The following RYR3 variants were observed in gnomAD, a reference collection of about 807,000 sequenced individuals.
RYR3 encodes brain ryanodine receptor-calcium release channel.
RYR3 carries 207 observed loss-of-function variants against 584.3 expected under a neutral mutation model. The ratio of observed to expected loss-of-function variants is 0.35; its 90% CI spans 0.32 to 0.40. The LOEUF is 0.40. Ranked by LOEUF, RYR3 falls within the 10% of genes least tolerant of loss-of-function variation. The pLI, the probability that RYR3 is intolerant of heterozygous loss-of-function variation, is 1.00. For missense variants in RYR3, 5,616 were observed against 6,089.2 expected (o/e 0.92, Z 2.59); for synonymous variants, 2,416 against 2,248.5 (o/e 1.07, Z -2.11).
intron 42 of RYR3, among the ~76,000 whole-genome samples, chr15:33,704,720 C>T (rs570213122): frequency 1.3e-5 from 2 of 152,324 alleles, no homozygotes; most frequent in African/African-American, 4.8e-5. Context: ...ATCCTATTCT[C>T]AGCCTCAGTT....
chr15:33,731,084 A>G (rs1285266590), intron 47 of RYR3, among the ~76,000 whole-genome samples: 1 of 152,236 alleles, frequency 6.6e-6, no homozygotes, highest in Admixed American at 6.5e-5. Flanking sequence ...AGCGAAAACC[A>G]GAATAGTAAT....
In RYR3 at chr15:33,772,139, G is replaced by C. The variant is rs374567682; in HGVS notation, c.9036G>C (p.Gln3012His). The C allele has an allele frequency of 1.2e-6, 2 of 1,610,902 alleles. No individual in the cohort carries two copies. Among genetic ancestry groups the C allele is most frequent in the African/African-American group, 2.7e-5 (2 of 74,866 alleles). The change falls in exon 63 of 104, where the codon CAG (glutamine) becomes CAC (histidine). Residue 3012 changes from glutamine (Q) to histidine (H), a missense_variant. This residue lies in a region of RYR3 where 954 missense variants were observed against 1,132.2 expected (regional missense o/e 0.84). Transcript: ENST00000634891. ...TCTTTGAGCACGTCACTCAGCATCA[G>C]TTTGGAATGGATCTACTCTGTGAGT... ...TSIFEHVTQH[Q>H]FGMDLLLGDV...
chr15:33,397,816 C>T (rs746530229), intron 1 of RYR3, among the ~76,000 whole-genome samples: 7 of 151,988 alleles, frequency 4.6e-5, no homozygotes, highest in Non-Finnish European at 8.8e-5. Flanking sequence ...GTCAGTCTTA[C>T]GATCTCTATT....
intron 74 of RYR3, among the ~76,000 whole-genome samples, chr15:33,816,642 A>T (rs1335038591): frequency 6.6e-6 from 1 of 152,148 alleles, no homozygotes; most frequent in Admixed American, 6.5e-5. Flanking sequence ...CTTGCTAACC[A>T]TTGTCATTTT....
intron 1 of RYR3, among the ~76,000 whole-genome samples, chr15:33,457,792 A>G (rs745794363): frequency 2.6e-5 from 4 of 152,252 alleles, no homozygotes; most frequent in Non-Finnish European, 5.9e-5. Flanking sequence ...TGATTTCATC[A>G]TCATACAACA....
intron 14 of RYR3, 109 bp downstream of exon 14, chr15:33,581,752 C>G: frequency 3.1e-6 from 3 of 958,012 alleles, no homozygotes; most frequent in Non-Finnish European, 3.3e-6. Context: ...CTTGGACTGC[C>G]TCATTCCTTA....
At chr15:33,654,045 G>A (rs894139217) in intron 32 of RYR3, among the ~76,000 whole-genome samples, 2 of 152,102 alleles carry the variant, frequency 1.3e-5, no homozygotes, top group Non-Finnish European at 2.9e-5. Flanking sequence ...GGAGATGGGA[G>A]GTTAATGTCT....
chr15:33,336,851 C>A (rs1490930456), intron 1 of RYR3, among the ~76,000 whole-genome samples: 2 of 150,484 alleles, frequency 1.3e-5, no homozygotes, highest in African/African-American at 2.4e-5. Context: ...GTCAGGAGAT[C>A]GAGACCGTCC....
intron 1 of RYR3, among the ~76,000 whole-genome samples, chr15:33,342,577 T>C (rs1225024890): frequency 6.6e-6 from 1 of 151,624 alleles, no homozygotes; most frequent in Non-Finnish European, 1.5e-5. Context: ...GGGTCTCTAG[T>C]TTCACGTATA....
intron 1 of RYR3, among the ~76,000 whole-genome samples, chr15:33,466,641 T>A (rs1311023313): frequency 6.6e-6 from 1 of 152,222 alleles, no homozygotes; most frequent in African/African-American, 2.4e-5. Context: ...TTTCATAATG[T>A]GTGCAAAATG....
At chr15:33,827,087 A>C (rs2077415508) in intron 84 of RYR3, 112 bp from the exon 85 acceptor site, 11 of 907,502 alleles carry the variant, frequency 1.2e-5, no homozygotes, top group Non-Finnish European at 1.7e-5. Flanking sequence ...CAAACATGGT[A>C]TTCTTGTAAG....
At position 33,858,096 on chromosome 15, in the gene RYR3, A is replaced by G. The variant is rs889315126; in HGVS notation, c.14142+182A>G. 13 of 810,156 alleles carry G rather than the reference A, an allele frequency of 1.6e-5. No individual in the cohort carries two copies. In the African/African-American group the frequency reaches 2.1e-4, roughly 13 times the overall value. 50.2% of individuals were successfully genotyped at this position (810,156 alleles called of 1,614,324 possible). On this transcript the variant is annotated intron_variant, in intron 99 of 103. Transcript: ENST00000634891. ...CCAAACAGGAGAGTGTCCTGGGAAG[A>G]CAGAAGTGATGGAGGTAGTTTTCAT...
chr15:33,775,401 C>G (rs573161135), intron 64 of RYR3, among the ~76,000 whole-genome samples: 5 of 152,226 alleles, frequency 3.3e-5, no homozygotes, highest in African/African-American at 1.2e-4. Flanking sequence ...CAGCAGGCAG[C>G]TTCGCATCTG....
chr15:33,569,574 C>G (rs907303700), intron 12 of RYR3, among the ~76,000 whole-genome samples: 4 of 152,178 alleles, frequency 2.6e-5, no homozygotes, highest in Non-Finnish European at 5.9e-5. Flanking sequence ...TGTAACATTT[C>G]ATTCCTTTTT....
chr15:33,356,717 A>T (rs142519045), intron 1 of RYR3, among the ~76,000 whole-genome samples: 120 of 152,174 alleles, frequency 7.9e-4, no homozygotes, highest in Non-Finnish European at 1.5e-3. Context: ...TTATAAGTAG[A>T]TACTCTCTGT....
At chr15:33,503,545 T>C in intron 2 of RYR3, 86 bp from the exon 3 acceptor site, 3 of 775,458 alleles carry the variant, frequency 3.9e-6, no homozygotes, top group Non-Finnish European at 6.5e-6. Flanking sequence ...TTTTGATTCA[T>C]AGGCTCTTTG....
At chr15:33,825,345 C>T (rs2077321013) in intron 81 of RYR3, among the ~76,000 whole-genome samples, 1 of 152,144 alleles carries the variant, frequency 6.6e-6, no homozygotes, top group Non-Finnish European at 1.5e-5. Flanking sequence ...TCAAACTGGA[C>T]AGACAATGAG....
chr15:33,656,026 G>C (rs1387374344), intron 32 of RYR3, among the ~76,000 whole-genome samples: 1 of 152,158 alleles, frequency 6.6e-6, no homozygotes, highest in Non-Finnish European at 1.5e-5. Flanking sequence ...AATATAATCA[G>C]TGGCGAATTT....
At chr15:33,625,653 G>A (rs2060947456) in intron 20 of RYR3, among the ~76,000 whole-genome samples, 1 of 152,164 alleles carries the variant, frequency 6.6e-6, no homozygotes, top group South Asian at 2.1e-4. Flanking sequence ...GTTAGAATTT[G>A]GAGCTTATAT....
Sources: allele counts gnomAD v4.1 joint callset (sites outside exome capture counted in the v4.1 genomes callset), GRCh38; gene constraint gnomAD v4.1.1; regional missense constraint gnomAD v4.1.1; transcripts MANE v1.5; gene names NCBI Gene and HGNC (gene_info 2026-07-23, HGNC 2026-07-21).